Variants in PIK3C2G observed in about 807,000 individuals in gnomAD.
The protein encoded by PIK3C2G is phosphatidylinositol-4-phosphate 3-kinase catalytic subunit type 2 gamma, also known as phosphatidylinositol 3-kinase C2 domain-containing subunit gamma.
PIK3C2G carries 168 observed loss-of-function variants against 181.1 expected under a neutral mutation model. The observed-to-expected ratio is 0.93, with a 90% confidence interval of 0.82 to 1.05. PIK3C2G has a LOEUF of 1.05. Ranked by LOEUF, PIK3C2G falls within the 50% of genes least tolerant of loss-of-function variation. The pLI is 0.00. For missense variants in PIK3C2G, 1,869 were observed against 1,732.8 expected, an observed-to-expected ratio of 1.08 and a Z score of -1.40; for synonymous variants, 573 against 592.2, an observed-to-expected ratio of 0.97 and a Z score of 0.47.
intron 24 of PIK3C2G, among the ~76,000 whole-genome samples, chr12:18,518,349 G>A (rs551112614): frequency 6.6e-6 from 1 of 152,298 alleles, no homozygotes; most frequent in Non-Finnish European, 1.5e-5. Context: ...ATTCGGCTAT[G>A]AATCTGTCTG....
the PIK3C2G span, chr12:18,693,975 C>T: frequency 8.6e-6 from 13 of 1,507,944 alleles, no homozygotes; most frequent in Non-Finnish European, 1.2e-5. Flanking sequence ...GCAGTCTGTA[C>T]AGAAGCTGGT....
At chr12:18,347,836 A>T (rs1191891951) in intron 11 of PIK3C2G, among the ~76,000 whole-genome samples, 1 of 152,146 alleles carries the variant, frequency 6.6e-6, no homozygotes, top group East Asian at 1.9e-4. Flanking sequence ...AGAAAAAAAA[A>T]ATCAATCTTT....
the PIK3C2G span, among the ~76,000 whole-genome samples, chr12:18,662,026 C>T: frequency 1.6e-4 from 25 of 152,188 alleles, no homozygotes; most frequent in Admixed American, 1.6e-3. Flanking sequence ...AACGCAGGAA[C>T]AGAAAACCAA....
At chr12:18,624,509 A>G (rs567205870) in intron 31 of PIK3C2G, among the ~76,000 whole-genome samples, 1 of 151,256 alleles carries the variant, frequency 6.6e-6, no homozygotes, top group African/African-American at 2.4e-5. Flanking sequence ...TTTTCTTGTG[A>G]TTTTCTTCTC....
intron 5 of PIK3C2G, among the ~76,000 whole-genome samples, chr12:18,298,665 G>T (rs1950050203): frequency 6.6e-6 from 1 of 151,644 alleles, no homozygotes; most frequent in African/African-American, 2.4e-5. Flanking sequence ...TCTTCTAGAA[G>T]TTCTATAATT....
In PIK3C2G at chr12:18,600,443, C is replaced by T. The variant is rs555081182; in HGVS notation, c.4087+5874C>T. ...GGAATATTGGAATAAAAGTTACAAA[C>T]CAAACCAAATAAACCAAAAAAGGAT... On this transcript the variant is annotated intron_variant, in intron 30 of 32. Coordinates refer to ENST00000538779, the MANE Select transcript of PIK3C2G (RefSeq NM_001288772.2). Among the ~76,000 whole-genome samples the T allele has an allele frequency of 5.3e-5, 8 of 151,832 alleles. No individual in the cohort carries two copies. In the South Asian group the frequency reaches 1.7e-3, roughly 32 times the overall value.
At chr12:18,253,198 A>G (rs1948111517) in intron 1 of PIK3C2G, among the ~76,000 whole-genome samples, 1 of 152,166 alleles carries the variant, frequency 6.6e-6, no homozygotes, top group Non-Finnish European at 1.5e-5. Context: ...AAGAAGGAAA[A>G]TTTATCTCCT....
intron 5 of PIK3C2G, among the ~76,000 whole-genome samples, chr12:18,308,189 C>A (rs1406863046): frequency 6.6e-6 from 1 of 151,736 alleles, no homozygotes; most frequent in Non-Finnish European, 1.5e-5. Context: ...TAGTTCACAG[C>A]TCTTAGAAAG....
At chr12:18,295,427 T>C (rs1290419602) in intron 5 of PIK3C2G, among the ~76,000 whole-genome samples, 3 of 152,024 alleles carry the variant, frequency 2.0e-5, no homozygotes, top group Non-Finnish European at 4.4e-5. Context: ...AGCAAAACAT[T>C]GTCAAATATT....
intron 12 of PIK3C2G, among the ~76,000 whole-genome samples, chr12:18,365,257 T>C (rs1941560149): frequency 6.6e-6 from 1 of 152,236 alleles, no homozygotes; most frequent in South Asian, 2.1e-4. Context: ...TGAATAGTAT[T>C]CAAGTTTTAA....
chr12:18,396,674 TG>T (rs1943915211), intron 15 of PIK3C2G, among the ~76,000 whole-genome samples: 1 of 151,710 alleles, frequency 6.6e-6, no homozygotes, highest in Non-Finnish European at 1.5e-5. Context: ...TGTTTTGAAA[TG>T]TTACTTACTG....
intron 5 of PIK3C2G, among the ~76,000 whole-genome samples, chr12:18,296,851 C>T (rs760994826): frequency 3.3e-5 from 5 of 151,928 alleles, no homozygotes; most frequent in South Asian, 2.1e-4. Flanking sequence ...TTTTGTCATA[C>T]GTTCATGGAA....
At chr12:18,373,644 T>G (rs1021520365) in intron 13 of PIK3C2G, among the ~76,000 whole-genome samples, 1 of 152,046 alleles carries the variant, frequency 6.6e-6, no homozygotes, top group African/African-American at 2.4e-5. Context: ...GGTCAGGAGA[T>G]CGAGACCATC....
At chr12:18,258,200 G>A (rs1232902322), upstream of PIK3C2G, among the ~76,000 whole-genome samples, 7 of 152,002 alleles carry the variant, frequency 4.6e-5, no homozygotes, top group African/African-American at 1.2e-4. Flanking sequence ...TATTTATGGT[G>A]TACAACATGA....
At chr12:18,533,338 G>C (rs778307985) in intron 24 of PIK3C2G, among the ~76,000 whole-genome samples, 1 of 152,100 alleles carries the variant, frequency 6.6e-6, no homozygotes, top group Non-Finnish European at 1.5e-5. Flanking sequence ...CAGTCTTCCT[G>C]CTACACAAGG....
At position 18,312,935 on chromosome 12, in the gene PIK3C2G, TTGTC is replaced by T. The variant is rs570551671; in HGVS notation, c.1035-1024_1035-1021del. On this transcript the variant is annotated intron_variant, in intron 5 of 32. Transcript: ENST00000538779. ...TTCATTTTACAGATTAATGGTCTATTTGTCTGGCATTGTTGGCAACAAGCTATGC... is the reference window on the plus strand; with the variant it reads ...TTCATTTTACAGATTAATGGTCTATTTGGCATTGTTGGCAACAAGCTATGC... Among the ~76,000 whole-genome samples, 11 of 152,268 alleles carry T rather than the reference TTGTC, an allele frequency of 7.2e-5. No individual in the cohort carries two copies. In the East Asian group the frequency reaches 1.5e-3, roughly 21 times the overall value.
intron 28 of PIK3C2G, among the ~76,000 whole-genome samples, chr12:18,565,517 A>C (rs1041264761): frequency 6.6e-6 from 1 of 152,222 alleles, no homozygotes; most frequent in African/African-American, 2.4e-5. Context: ...TGGTATTGAG[A>C]AAATGAATTA....
At chr12:18,382,268 C>T (rs1942891830) in intron 14 of PIK3C2G, among the ~76,000 whole-genome samples, 3 of 152,110 alleles carry the variant, frequency 2.0e-5, no homozygotes, top group Non-Finnish European at 4.4e-5. Context: ...AAAATCTCTT[C>T]TGTTATATGT....
intron 13 of PIK3C2G, among the ~76,000 whole-genome samples, chr12:18,378,316 C>A (rs1942594851): frequency 6.9e-6 from 1 of 145,694 alleles, no homozygotes; most frequent in Non-Finnish European, 1.5e-5. Flanking sequence ...TCATGAGTTC[C>A]CCCCCCCGTA....
Sources: allele counts gnomAD v4.1 joint callset (sites outside exome capture counted in the v4.1 genomes callset), GRCh38; gene constraint gnomAD v4.1.1; transcripts MANE v1.5; gene names NCBI Gene and HGNC (gene_info 2026-07-23, HGNC 2026-07-21).